The following EFNA5 variants were observed in gnomAD, a reference collection of about 807,000 sequenced individuals.
EFNA5 encodes the protein ephrin-A5.
EFNA5 carries 5 observed loss-of-function variants against 22.9 expected under a neutral mutation model. The ratio of observed to expected loss-of-function variants is 0.22; its 90% CI spans 0.11 to 0.46. The LOEUF (loss-of-function observed/expected upper bound fraction) is 0.46, where lower values mean the gene tolerates loss of function less well. Among genes scored for constraint, EFNA5 ranks in the 20% least tolerant of loss-of-function variants. The pLI is 0.99. For missense variants in EFNA5, 237 were observed against 293.3 expected, an observed-to-expected ratio of 0.81 and a Z score of 1.40; for synonymous variants, 113 against 112.2, an observed-to-expected ratio of 1.01 and a Z score of -0.04.
At chr5:107,520,785 G>A (rs1747580172) in intron 1 of EFNA5, among the ~76,000 whole-genome samples, 1 of 152,116 alleles carries the variant, frequency 6.6e-6, no homozygotes, top group Non-Finnish European at 1.5e-5. Flanking sequence ...AGAGTGAATG[G>A]GTAGTAATCA....
intron 1 of EFNA5, among the ~76,000 whole-genome samples, chr5:107,544,913 C>A (rs1366938344): frequency 6.6e-6 from 1 of 152,206 alleles, no homozygotes; most frequent in Non-Finnish European, 1.5e-5. Context: ...ACCATCATCT[C>A]TGATCATTCT....
chr5:107,560,442 T>G (rs992440591), intron 1 of EFNA5, among the ~76,000 whole-genome samples: 2 of 152,222 alleles, frequency 1.3e-5, no homozygotes, highest in Non-Finnish European at 2.9e-5. Flanking sequence ...GCAGGTGAAT[T>G]TGGCTGTGTT....
At chr5:107,430,035 G>T (rs1402862411) in intron 1 of EFNA5, among the ~76,000 whole-genome samples, 1 of 152,132 alleles carries the variant, frequency 6.6e-6, no homozygotes, top group African/African-American at 2.4e-5. Context: ...TTCAGCTAGA[G>T]GATCCCAAAC....
At chr5:107,611,390 G>A (rs1331490352) in intron 1 of EFNA5, among the ~76,000 whole-genome samples, 1 of 152,068 alleles carries the variant, frequency 6.6e-6, no homozygotes, top group Non-Finnish European at 1.5e-5. Context: ...AAAATCACAC[G>A]TTTCCCACAA....
intron 1 of EFNA5, among the ~76,000 whole-genome samples, chr5:107,536,711 A>C (rs1747935622): frequency 6.6e-6 from 1 of 152,196 alleles, no homozygotes; most frequent in African/African-American, 2.4e-5. Flanking sequence ...GGCAATCAAA[A>C]AATATGTTTT....
chr5:107,392,631 G>A (rs1396718237), intron 2 of EFNA5, among the ~76,000 whole-genome samples: 4 of 152,168 alleles, frequency 2.6e-5, no homozygotes, highest in East Asian at 3.9e-4. Context: ...AATAATAAAC[G>A]TTGTTTTAGC....
chr5:107,385,381 G>C (rs944398876), intron 4 of EFNA5, among the ~76,000 whole-genome samples: 1 of 152,092 alleles, frequency 6.6e-6, no homozygotes, highest in Non-Finnish European at 1.5e-5. Context: ...ACAGGCAGTG[G>C]AGATTCCCTG....
chr5:107,567,298 G>C (rs1748682270), intron 1 of EFNA5, among the ~76,000 whole-genome samples: 1 of 152,124 alleles, frequency 6.6e-6, no homozygotes, highest in Non-Finnish European at 1.5e-5. Flanking sequence ...AGGGGGAAGA[G>C]AAAAATGTAT....
intron 2 of EFNA5, among the ~76,000 whole-genome samples, chr5:107,417,680 C>G (rs1748538312): frequency 6.6e-6 from 1 of 152,088 alleles, no homozygotes; most frequent in Non-Finnish European, 1.5e-5. Context: ...GGGTAGGGAG[C>G]AAGGATGAGT....
At chr5:107,388,401 A>G (rs1747695890) in intron 2 of EFNA5, 1 of 152,134 alleles carries the variant, frequency 6.6e-6, no homozygotes, top group Non-Finnish European at 1.5e-5. Context: ...ACAATATGCT[A>G]TTGAGAAAGT....
intron 1 of EFNA5, among the ~76,000 whole-genome samples, chr5:107,551,075 T>C (rs1748283263): frequency 6.6e-6 from 1 of 152,234 alleles, no homozygotes; most frequent in Admixed American, 6.5e-5. Context: ...TAAGAGCTTT[T>C]TATAGTATAA....
chr5:107,517,408 T>C (rs1260568945), intron 1 of EFNA5, among the ~76,000 whole-genome samples: 2 of 152,218 alleles, frequency 1.3e-5, no homozygotes, highest in Non-Finnish European at 2.9e-5. Context: ...TACTGCTCTG[T>C]GACTTCAGGA....
At chr5:107,657,246 T>C (rs535588448) in intron 1 of EFNA5, among the ~76,000 whole-genome samples, 6 of 152,258 alleles carry the variant, frequency 3.9e-5, no homozygotes, top group East Asian at 3.9e-4. Flanking sequence ...CTTAGGTATA[T>C]CAACTCTATT....
chr5:107,554,494 C>G (rs751255379), intron 1 of EFNA5, among the ~76,000 whole-genome samples: 10 of 152,090 alleles, frequency 6.6e-5, no homozygotes, highest in Non-Finnish European at 1.3e-4. Flanking sequence ...CAGAATAAAA[C>G]AAAAACATAC....
intron 1 of EFNA5, among the ~76,000 whole-genome samples, chr5:107,604,712 G>A (rs551035250): frequency 1.7e-4 from 26 of 152,296 alleles, no homozygotes; most frequent in Non-Finnish European, 2.5e-4. Flanking sequence ...ACTGCCAGGC[G>A]TATTAAAATA....
At chr5:107,602,501 C>T (rs1041458950) in intron 1 of EFNA5, among the ~76,000 whole-genome samples, 1 of 152,052 alleles carries the variant, frequency 6.6e-6, no homozygotes, top group African/African-American at 2.4e-5. Context: ...AATTAGGAAA[C>T]CCAGAACATC....
intron 1 of EFNA5, among the ~76,000 whole-genome samples, chr5:107,489,777 C>T (rs749684684): frequency 1.3e-5 from 2 of 152,006 alleles, no homozygotes; most frequent in Non-Finnish European, 2.9e-5. Flanking sequence ...GGACTATGTA[C>T]AGGAAAGTTC....
intron 1 of EFNA5, among the ~76,000 whole-genome samples, chr5:107,441,578 AATG>A (rs1349652175): frequency 6.6e-6 from 1 of 152,220 alleles, no homozygotes; most frequent in African/African-American, 2.4e-5. Context: ...CACTAGAGGA[AATG>A]AAAATTAGGA....
chr5:107,427,768 T>C (rs542146948), intron 1 of EFNA5, among the ~76,000 whole-genome samples: 2 of 152,288 alleles, frequency 1.3e-5, no homozygotes, highest in East Asian at 3.9e-4. Flanking sequence ...TCATTTTAAA[T>C]ATTATATTAA....
Sources: allele counts gnomAD v4.1 joint callset (sites outside exome capture counted in the v4.1 genomes callset), GRCh38; gene constraint gnomAD v4.1.1; transcripts MANE v1.5; gene names NCBI Gene and HGNC (gene_info 2026-07-23, HGNC 2026-07-21).